Variants in LRRC4C observed in about 807,000 individuals in gnomAD.
The protein encoded by LRRC4C is leucine rich repeat containing 4C, also known as leucine-rich repeat-containing protein 4C.
Under a neutral mutation model 33.6 loss-of-function variants are expected in LRRC4C, and 5 were observed. The observed-to-expected ratio is 0.15, with a 90% CI of 0.08 to 0.31. LRRC4C has a LOEUF of 0.31. Ranked by LOEUF, LRRC4C falls within the 10% of genes least tolerant of loss-of-function variation. The pLI, the probability that LRRC4C is intolerant of heterozygous loss-of-function variation, is 1.00. For missense variants in LRRC4C, 560 were observed against 796.7 expected (o/e 0.70, Z 3.58); for synonymous variants, 329 against 302.0 (o/e 1.09, Z -0.93).
In LRRC4C at chr11:40,578,140, G is replaced by GTTTTTTTTTTTTTTTTTTT. The variant is rs1491105578; in HGVS notation, c.-270+70001_-270+70002insAAAAAAAAAAAAAAAAAAA. Among the ~76,000 whole-genome samples the GTTTTTTTTTTTTTTTTTTT allele has an allele frequency of 3.2e-3, 129 of 40,570 alleles. 60 individuals are homozygous for GTTTTTTTTTTTTTTTTTTT. Among genetic ancestry groups the GTTTTTTTTTTTTTTTTTTT allele is most frequent in the Middle Eastern group, 0.032 (2 of 62 alleles). 26.6% of individuals were successfully genotyped at this position (40,570 alleles called of 152,430 possible). A position where few individuals can be genotyped will look rare whatever the true frequency, so the allele number is the denominator to read the frequency against. ...TGATATTATTGGACTTTTTTTTTTC[G>GTTTTTTTTTTTTTTTTTTT]GTTTTTTTTTTTTTTTTTTTTTTTT... is the stretch of plus-strand genomic sequence containing the variant. On this transcript the variant is annotated intron_variant, in intron 3 of 6. Transcript: ENST00000528697.
At chr11:41,261,682 T>G (rs962297549) in intron 1 of LRRC4C, among the ~76,000 whole-genome samples, 9 of 152,078 alleles carry the variant, frequency 5.9e-5, no homozygotes, top group Non-Finnish European at 1.0e-4. Flanking sequence ...TTCCTCGAAC[T>G]CTAGTGGGCA....
At chr11:40,748,062 C>A (rs890981868) in intron 2 of LRRC4C, among the ~76,000 whole-genome samples, 9 of 152,042 alleles carry the variant, frequency 5.9e-5, no homozygotes, top group Admixed American at 2.6e-4. Context: ...GCTCTGTGAT[C>A]CCTAAACAAA....
intron 3 of LRRC4C, among the ~76,000 whole-genome samples, chr11:40,626,201 C>T (rs565239270): frequency 6.7e-4 from 102 of 152,112 alleles, no homozygotes; most frequent in African/African-American, 2.1e-3. Flanking sequence ...TTTCCTCTGC[C>T]GGAAAGAACA....
intron 1 of LRRC4C, among the ~76,000 whole-genome samples, chr11:41,266,550 A>G (rs1949158141): frequency 6.6e-6 from 1 of 152,184 alleles, no homozygotes; most frequent in South Asian, 2.1e-4. Context: ...TAAAAGTGAC[A>G]GAGCAATTGA....
chr11:40,820,493 T>C (rs1319372075), intron 2 of LRRC4C, among the ~76,000 whole-genome samples: 2 of 151,870 alleles, frequency 1.3e-5, no homozygotes, highest in African/African-American at 4.8e-5. Context: ...GTAAAACACA[T>C]TACATTCATT....
At chr11:40,595,707 T>A (rs1959224783) in intron 3 of LRRC4C, among the ~76,000 whole-genome samples, 2 of 152,108 alleles carry the variant, frequency 1.3e-5, no homozygotes, top group East Asian at 1.9e-4. Flanking sequence ...CAAACGCCTA[T>A]CTTTATACTT....
intron 1 of LRRC4C, among the ~76,000 whole-genome samples, chr11:41,149,715 T>C (rs1462061338): frequency 6.6e-6 from 1 of 151,988 alleles, no homozygotes; most frequent in Non-Finnish European, 1.5e-5. Context: ...GGGGTTTCCT[T>C]AGAGGGAGCT....
At chr11:40,838,548 A>C (rs1952780411) in intron 2 of LRRC4C, among the ~76,000 whole-genome samples, 1 of 152,148 alleles carries the variant, frequency 6.6e-6, no homozygotes, top group South Asian at 2.1e-4. Context: ...CTTTCTGTGT[A>C]CTTGCTATGT....
rs1436536913 is a variant in LRRC4C at position 40,452,289 on chromosome 11, AG to A, written c.-269-132569del. On this transcript the variant is annotated intron_variant, in intron 3 of 6. Coordinates refer to ENST00000528697, the MANE Select transcript of LRRC4C (RefSeq NM_001258419.2). The stretch of plus-strand genomic sequence containing the variant: ...TTTTTGCAGTCTACTCATCTGACAA[AG>A]GGCTAATATCCAGAATCTACAAAGA... 3.3e-5 allele frequency among the ~76,000 whole-genome samples: 5 copies of A among 152,312 alleles called. No individual in the cohort carries two copies. The East Asian group carries it at 9.6e-4, about 29-fold the overall frequency.
chr11:40,684,893 T>G (rs568345146), intron 2 of LRRC4C, among the ~76,000 whole-genome samples: 1 of 152,092 alleles, frequency 6.6e-6, no homozygotes, highest in African/African-American at 2.4e-5. Flanking sequence ...TTGGACAAAG[T>G]TAGATAATTT....
At chr11:41,457,572 A>T (rs966687088) in intron 1 of LRRC4C, among the ~76,000 whole-genome samples, 2 of 152,180 alleles carry the variant, frequency 1.3e-5, no homozygotes, top group African/African-American at 4.8e-5. Flanking sequence ...CCATAAAGAA[A>T]ATAAAATTTT....
intron 1 of LRRC4C, among the ~76,000 whole-genome samples, chr11:41,219,591 T>A (rs914974973): frequency 1.3e-5 from 2 of 152,214 alleles, no homozygotes; most frequent in African/African-American, 2.4e-5. Context: ...TTCCATTTAT[T>A]TGCTATGGCA....
At chr11:40,769,951 C>T (rs4132214) in intron 2 of LRRC4C, among the ~76,000 whole-genome samples, 16,213 of 151,912 alleles carry the variant, frequency 0.11, 1,244 homozygotes, top group East Asian at 0.4. Flanking sequence ...ACCCCAAAAG[C>T]CTTATATCCC....
intron 5 of LRRC4C, among the ~76,000 whole-genome samples, chr11:40,150,553 C>T: frequency 6.6e-6 from 1 of 152,236 alleles, no homozygotes. Flanking sequence ...CTCCTGGCCT[C>T]AGCCTCTTGA....
chr11:40,575,812 C>A (rs904891385), intron 3 of LRRC4C, among the ~76,000 whole-genome samples: 1 of 152,138 alleles, frequency 6.6e-6, no homozygotes, highest in African/African-American at 2.4e-5. Flanking sequence ...ATATTTGGAA[C>A]TATACCACTT....
At chr11:41,398,110 A>G (rs923205957) in intron 1 of LRRC4C, among the ~76,000 whole-genome samples, 25 of 151,946 alleles carry the variant, frequency 1.6e-4, no homozygotes, top group African/African-American at 5.8e-4. Context: ...TATATAATAC[A>G]AGACCTTGGG....
intron 1 of LRRC4C, among the ~76,000 whole-genome samples, chr11:41,022,221 A>G (rs1856035742): frequency 6.6e-6 from 1 of 150,490 alleles, no homozygotes; most frequent in African/African-American, 2.4e-5. Flanking sequence ...ATATAAGTGT[A>G]TATATATGAT....
At chr11:41,121,673 G>T (rs2135767260) in intron 1 of LRRC4C, among the ~76,000 whole-genome samples, 1 of 152,176 alleles carries the variant, frequency 6.6e-6, no homozygotes, top group South Asian at 2.1e-4. Context: ...CATTTTCTCT[G>T]GCCCTGTCAG....
intron 2 of LRRC4C, among the ~76,000 whole-genome samples, chr11:40,843,506 C>A (rs2135671483): frequency 6.6e-6 from 1 of 152,238 alleles, no homozygotes; most frequent in Non-Finnish European, 1.5e-5. Context: ...TTTGGATTTT[C>A]TCTCTCTTTC....
Sources: gnomAD v4.1 joint callset for allele counts (sites outside exome capture counted in the v4.1 genomes callset) on GRCh38, gnomAD v4.1.1 for gene constraint, MANE v1.5 for transcripts, NCBI Gene and HGNC (gene_info 2026-07-23, HGNC 2026-07-21) for gene names.